ATMIN: variants seen among roughly 807,000 people sequenced by gnomAD.
ATMIN encodes ATM interactor, also known as ATM INteracting protein.
In ATMIN, 24 loss-of-function variants were observed where a neutral mutation model predicts 49.2. The observed-to-expected ratio is 0.49, with a 90% CI of 0.35 to 0.69. The LOEUF is 0.69. Among genes scored for constraint, ATMIN ranks in the 30% least tolerant of loss-of-function variants. The pLI, the probability that ATMIN is intolerant of heterozygous loss-of-function variation, is 0.00. For missense variants in ATMIN, 1,037 were observed against 1,005.5 expected (o/e 1.03, Z -0.42); for synonymous variants, 450 against 392.5 (o/e 1.15, Z -1.73).
Position 81,041,490 on chromosome 16 carries a change from T to C in ATMIN, c.462+9T>C, listed in dbSNP as rs1971037641. The stretch of plus-strand genomic sequence containing the variant: ...TTTCTCTCGTAAAACAGGTACTCTC[T>C]ACTCTGAGGATGAGATACAGATGCT... On this transcript the variant is annotated intron_variant, in intron 2 of 3. Coordinates refer to ENST00000299575, the MANE Select transcript of ATMIN (RefSeq NM_015251.3). 1.9e-6 allele frequency: 3 copies of C among 1,596,240 alleles called. No individual in the cohort carries two copies. The Admixed American group carries it at 5.6e-5, about 30-fold the overall frequency.
intron 1 of ATMIN, chr16:81,037,076 G>C: frequency 1.6e-6 from 1 of 640,260 alleles, no homozygotes; most frequent in African/African-American, 2.0e-5. Context: ...TTTCAACCTT[G>C]GGACACATCT....
rs201198090 is a variant in ATMIN at position 81,044,069 on chromosome 16, C to T, written c.1571C>T (p.Ser524Leu). 519 of 1,614,138 alleles carry T rather than the reference C, an allele frequency of 3.2e-4. 2 individuals carry two copies. The highest frequency in any genetic ancestry group is 2.5e-5 in the Non-Finnish European group (29 of 1,180,014). ...GACATTTTTGAGAGTGTTCATTCAT[C>T]ATATAATGTTGCTACAGGTAACATT... ...CGDIFESVHS[S>L]YNVATGNIIS... Residue 524 changes from serine (S) to leucine (L), a missense_variant, in exon 4 of 4, where the codon TCA becomes TTA. By Grantham distance (145) the Ser-to-Leu change is moderately radical (BLOSUM62 -2). Transcript: ENST00000299575.
intron 1 of ATMIN, among the ~76,000 whole-genome samples, chr16:81,037,029 C>A (rs1007265897): frequency 6.6e-6 from 1 of 152,166 alleles, no homozygotes; most frequent in Non-Finnish European, 1.5e-5. Context: ...ACAATAGTCT[C>A]AACAACCCTC....
In ATMIN at chr16:81,044,213, A is replaced by G. The variant is rs200372687; in HGVS notation, c.1715A>G (p.Asn572Ser). ...SAPIINFSAQ[N>S]SMLPSQNMTD... ...CCAATTATAAATTTCAGTGCACAGA[A>G]TAGTATGCTTCCTTCACAGAACATG... Residue 572 changes from asparagine to serine, a missense_variant, in exon 4 of 4, where the codon AAT (asparagine) becomes AGT (serine). By Grantham distance (46) the Asn-to-Ser change is conservative. Transcript: ENST00000299575. The G allele has an allele frequency of 3.1e-6, 5 of 1,614,182 alleles. No individual in the cohort carries two copies. The highest frequency in any genetic ancestry group is 1.1e-5 in the South Asian group (1 of 91,084).
At chr16:81,037,874 A>G (rs1970971874) in intron 1 of ATMIN, among the ~76,000 whole-genome samples, 1 of 152,122 alleles carries the variant, frequency 6.6e-6, no homozygotes, top group South Asian at 2.1e-4. Context: ...CCTGACCCTC[A>G]GGTGATCCAC....
At chr16:81,037,599 AT>A in intron 1 of ATMIN, 1 of 679,054 alleles carries the variant, frequency 1.5e-6, no homozygotes, top group Non-Finnish European at 1.8e-6. Context: ...TTCATACTAA[AT>A]TTTAACTAAA....
At position 81,043,803 on chromosome 16, in the gene ATMIN, C is replaced by G. The variant is rs764216654; in HGVS notation, c.1305C>G (p.Ser435=). 1 of 1,614,212 alleles carries G rather than the reference C, an allele frequency of 6.2e-7. No individual in the cohort carries two copies. Among genetic ancestry groups the G allele is most frequent in the Non-Finnish European group, 8.5e-7 (1 of 1,180,044 alleles). ...CTGCACAGTGGGCCACTGCTGATTC[C>G]TCTGTGTCGTCTTGTTCTCAAACTG... is the stretch of plus-strand genomic sequence containing the variant. ...IPSAQWATAD[S]SVSSCSQTDL... Residue 435 remains serine, a synonymous_variant, in exon 4 of 4, where the codon TCC becomes TCG. Coordinates refer to ENST00000299575, the MANE Select transcript of ATMIN (RefSeq NM_015251.3).
rs150200933 is a variant in ATMIN at position 81,044,204 on chromosome 16, G to A, written c.1706G>A (p.Ser569Asn). The change falls in exon 4 of 4, where the codon AGT becomes AAT. Residue 569 changes from serine (S) to asparagine (N), a missense_variant. Transcript: ENST00000299575. ...AAATCTGCACCAATTATAAATTTCA[G>A]TGCACAGAATAGTATGCTTCCTTCA... Reference protein sequence around the residue: ...IEKSAPIINFSAQNSMLPSQN... With the variant: ...IEKSAPIINFNAQNSMLPSQN... 1 of 1,614,124 alleles carries A rather than the reference G, an allele frequency of 6.2e-7. No homozygotes were observed. Among genetic ancestry groups the A allele is most frequent in the African/African-American group, 1.3e-5 (1 of 75,028 alleles).
At chr16:81,040,781 C>A (rs1311445275) in intron 1 of ATMIN, 1 of 154,626 alleles carries the variant, frequency 6.5e-6, no homozygotes, top group South Asian at 2.0e-4. Flanking sequence ...CGAAGCTATA[C>A]TTGAGAAAGG....
chr16:81,037,672 A>G (rs1243392444), intron 1 of ATMIN, among the ~76,000 whole-genome samples: 2 of 152,032 alleles, frequency 1.3e-5, no homozygotes, highest in Non-Finnish European at 1.5e-5. Context: ...GTCTCACTCC[A>G]TCACCCAGGC....
At chr16:81,037,718 C>G (rs1970968880) in intron 1 of ATMIN, among the ~76,000 whole-genome samples, 1 of 152,150 alleles carries the variant, frequency 6.6e-6, no homozygotes, top group South Asian at 2.1e-4. Flanking sequence ...TCACTGTAAC[C>G]TCTGCCTCCG....
In ATMIN at chr16:81,046,948, C is replaced by A. The variant is rs1971132353; in HGVS notation, c.*1978C>A. 1 of 152,598 alleles carries A rather than the reference C, an allele frequency of 6.6e-6. No individual in the cohort carries two copies. The highest frequency in any genetic ancestry group is 6.5e-5 in the Admixed American group (1 of 15,274). 9.5% of individuals were successfully genotyped at this position (152,598 alleles called of 1,614,324 possible). A position where few individuals can be genotyped will look rare whatever the true frequency, so the allele number is the denominator to read the frequency against. On this transcript the variant is annotated 3_prime_UTR_variant, in exon 4 of 4. Transcript: ENST00000299575. Reference sequence around the variant, plus strand: ...TTTCAAAAGAAACATAAAGCCTTAACTTAGAATTTCATTATGTTTTAGAAT... The same window carrying A: ...TTTCAAAAGAAACATAAAGCCTTAAATTAGAATTTCATTATGTTTTAGAAT...
intron 2 of ATMIN, 51 bp downstream of exon 2, chr16:81,041,532 T>G (rs1462980047): frequency 6.4e-7 from 1 of 1,566,644 alleles, no homozygotes; most frequent in Non-Finnish European, 8.6e-7. Flanking sequence ...CTATTGTGCA[T>G]TCTGATTACT....
Position 81,042,342 on chromosome 16 carries a change from G to T in ATMIN, c.524G>T (p.Gly175Val). 6.2e-7 allele frequency: 1 copy of T among 1,614,066 alleles called. No individual in the cohort carries two copies. The highest frequency in any genetic ancestry group is 1.3e-5 in the African/African-American group (1 of 75,010). The change falls in exon 3 of 4, where the codon GGT becomes GTT. Residue 175 changes from glycine to valine, a missense_variant. Transcript: ENST00000299575. ...TGTAGTAAGTGCAGCAATTCGTACGGTACAGAATGGGACCTGAAAAGACAT... is the reference window on the plus strand; with the variant it reads ...TGTAGTAAGTGCAGCAATTCGTACGTTACAGAATGGGACCTGAAAAGACAT... Reference protein sequence around the residue: ...HKCSKCSNSYGTEWDLKRHAE... With the variant: ...HKCSKCSNSYVTEWDLKRHAE...
chr16:81,036,543 G>A (rs1179688473), intron 1 of ATMIN, among the ~76,000 whole-genome samples: 1 of 152,228 alleles, frequency 6.6e-6, no homozygotes, highest in African/African-American at 2.4e-5. Flanking sequence ...ACGGCGTTTT[G>A]GCGAGGGACG....
chr16:81,044,938 TC>T lies in ATMIN; in HGVS notation c.2441del (p.Ser814LeufsTer19). On this transcript the variant is annotated frameshift_variant, in exon 4 of 4. Transcript: ENST00000299575. LOFTEE classifies it high-confidence loss of function. ...GTTCAGCTCTGTAGAAACCCAGACT[TC>T]TGCGGAACCACACACAGTCTCCAAC... is the stretch of plus-strand genomic sequence containing the variant. ...SQFSSVETQTSAEPHTVSNF is the reference protein window; with the variant it reads ...SQFSSVETQTXAEPHTVSNF The T allele has an allele frequency of 6.2e-7, 1 of 1,613,856 alleles. No individual in the cohort carries two copies. The highest frequency in any genetic ancestry group is 1.1e-5 in the South Asian group (1 of 91,072).
chr16:81,037,930 G>A (rs1037376803), intron 1 of ATMIN, among the ~76,000 whole-genome samples: 5 of 152,006 alleles, frequency 3.3e-5, no homozygotes, highest in East Asian at 1.9e-4. Context: ...GTGAGCCACC[G>A]CGACCGACCT....
At position 81,046,421 on chromosome 16, in the gene ATMIN, C is replaced by G. The variant is rs535498025; in HGVS notation, c.*1451C>G. On this transcript the variant is annotated 3_prime_UTR_variant, in exon 4 of 4. Transcript: ENST00000299575. ...GAGGCTAGCAATTATAGGATAGATT[C>G]ATCTAAAATATGGTATTCTGCATTT... 43 of 152,196 alleles carry G rather than the reference C, an allele frequency of 2.8e-4. No individual in the cohort carries two copies. The highest frequency in any genetic ancestry group is 1.0e-3 in the African/African-American group (42 of 41,514). The allele number at this position is 152,196 out of a possible 1,614,324, so 9.4% of individuals were successfully genotyped here. A position where few individuals can be genotyped will look rare whatever the true frequency, so the allele number is the denominator to read the frequency against.
chr16:81,036,181 A>C lies in ATMIN; in HGVS notation c.311A>C (p.His104Pro). Reference protein sequence around the residue: ...ILPNSPALNMHLVKSHRLQDG... With the variant: ...ILPNSPALNMPLVKSHRLQDG... The stretch of plus-strand genomic sequence containing the variant: ...CCCAACAGCCCCGCGCTCAACATGC[A>C]CCTAGTCAAGAGCCACCGCCTGCAG... Residue 104 changes from histidine to proline, a missense_variant, in exon 1 of 4, where the codon CAC (histidine) becomes CCC (proline). Physicochemically the swap from His to Pro is moderately conservative, Grantham distance 77. Transcript: ENST00000299575. 1 of 1,464,650 alleles carries C rather than the reference A, an allele frequency of 6.8e-7. No individual in the cohort carries two copies. Among genetic ancestry groups the C allele is most frequent in the Non-Finnish European group, 9.1e-7 (1 of 1,102,158 alleles). 90.7% of individuals were successfully genotyped at this position (1,464,650 alleles called of 1,614,324 possible). A position where few individuals can be genotyped will look rare whatever the true frequency, so the allele number is the denominator to read the frequency against.
Sources: gnomAD v4.1 joint callset for allele counts (sites outside exome capture counted in the v4.1 genomes callset) on GRCh38, gnomAD v4.1.1 for gene constraint, MANE v1.5 for transcripts, NCBI Gene and HGNC (gene_info 2026-07-23, HGNC 2026-07-21) for gene names.